Variants in RBPJ observed in about 807,000 individuals in gnomAD.
The protein encoded by RBPJ is recombining binding protein suppressor of hairless.
In RBPJ, 9 loss-of-function variants were observed where a neutral mutation model predicts 67.8. The observed-to-expected ratio is 0.13, with a 90% confidence interval of 0.08 to 0.23. The LOEUF (loss-of-function observed/expected upper bound fraction) is 0.23, where lower values mean the gene tolerates loss of function less well. Ranked by LOEUF, RBPJ falls within the 10% of genes least tolerant of loss-of-function variation. RBPJ has a pLI of 1.00. For missense variants in RBPJ, 305 were observed against 595.6 expected (o/e 0.51, Z 5.08); for synonymous variants, 198 against 203.3 (o/e 0.97, Z 0.22).
At chr4:26,429,619 T>C (rs1240857772) in intron 8 of RBPJ, among the ~76,000 whole-genome samples, 1 of 152,228 alleles carries the variant, frequency 6.6e-6, no homozygotes, top group Non-Finnish European at 1.5e-5. Context: ...TGTACCTGCA[T>C]TGGTATACTC....
chr4:26,420,883 C>T, intron 5 of RBPJ, 158 bp downstream of exon 5: 1 of 628,750 alleles, frequency 1.6e-6, no homozygotes, highest in South Asian at 2.4e-5. Context: ...CGTAAATCGA[C>T]AGTATGTGGT....
chr4:26,158,661 A>G (rs982582461), upstream of RBPJ, among the ~76,000 whole-genome samples: 2 of 152,206 alleles, frequency 1.3e-5, no homozygotes, highest in South Asian at 2.1e-4. Flanking sequence ...TTTTCTGCCT[A>G]CTTTCTCTCT....
chr4:26,145,793 T>G, the RBPJ span, among the ~76,000 whole-genome samples: 9 of 152,222 alleles, frequency 5.9e-5, no homozygotes, highest in Non-Finnish European at 1.3e-4. Flanking sequence ...AGTTGGGCTC[T>G]AAACTTCTAC....
chr4:26,431,245 T>A lies in RBPJ; in HGVS notation c.*238T>A, dbSNP rs374343477. On this transcript the variant is annotated 3_prime_UTR_variant, in exon 11 of 11. Transcript: ENST00000355476. ...AATCAAAATGTATAAATATTGGAAA[T>A]CAAGTTTTTCAGCTGTTTTGTTGGT... is the stretch of plus-strand genomic sequence containing the variant. The A allele has an allele frequency of 3.3e-4, 112 of 335,480 alleles. No individual in the cohort carries two copies. In the South Asian group the frequency reaches 7.6e-3, roughly 23 times the overall value. The allele number at this position is 335,480 out of a possible 1,614,324, so 20.8% of individuals were successfully genotyped here. A position where few individuals can be genotyped will look rare whatever the true frequency, so the allele number is the denominator to read the frequency against.
intron 7 of RBPJ, among the ~76,000 whole-genome samples, chr4:26,425,917 T>C (rs1577673203): frequency 6.6e-6 from 1 of 152,076 alleles, no homozygotes; most frequent in South Asian, 2.1e-4. Context: ...GCTGGTTTGA[T>C]CTACAGTTTT....
At position 26,424,923 on chromosome 4, in the gene RBPJ, G is replaced by T; in HGVS notation, c.747+180G>T. ...TTATGCTCTACCTTATTTCAGAAAT[G>T]CTTTAAGGTAATAGCCAGTTTTTAC... On this transcript the variant is annotated intron_variant, in intron 7 of 10. Transcript: ENST00000355476. This position sits in a 1 kb window ranked among gnomAD's most constrained non-coding sequence, Gnocchi z 5.3. 2.1e-6 allele frequency: 1 copy of T among 481,662 alleles called. No homozygotes were observed. The allele number at this position is 481,662 out of a possible 1,614,324, so 29.8% of individuals were successfully genotyped here.
chr4:26,315,773 C>T (rs958147924), upstream of RBPJ, among the ~76,000 whole-genome samples: 1 of 152,004 alleles, frequency 6.6e-6, no homozygotes, highest in African/African-American at 2.4e-5. Flanking sequence ...CCCAGAGCAG[C>T]CGTTTATAGA....
chr4:26,217,671 A>G (rs1305147940), intron 1 of RBPJ, among the ~76,000 whole-genome samples: 1 of 152,194 alleles, frequency 6.6e-6, no homozygotes, highest in Admixed American at 6.5e-5. Flanking sequence ...TATAAAACCC[A>G]AAGTGGGTGG....
intron 1 of RBPJ, among the ~76,000 whole-genome samples, chr4:26,304,810 T>G (rs1396890651): frequency 2.0e-5 from 3 of 152,074 alleles, no homozygotes; most frequent in Admixed American, 6.5e-5. Context: ...TTTACTTTCT[T>G]GATAGTGTCC....
At chr4:26,301,077 C>T (rs751393758) in intron 1 of RBPJ, among the ~76,000 whole-genome samples, 5 of 152,208 alleles carry the variant, frequency 3.3e-5, no homozygotes, top group Non-Finnish European at 5.9e-5. Context: ...GATCCAATGA[C>T]TACTTTGTGC....
At chr4:26,116,457 C>T in the RBPJ span, among the ~76,000 whole-genome samples, 5 of 152,236 alleles carry the variant, frequency 3.3e-5, no homozygotes, top group Admixed American at 1.3e-4. Flanking sequence ...TTTTTTCCCA[C>T]CTGCTATTGC....
chr4:26,405,506 A>G (rs930160870), intron 2 of RBPJ, among the ~76,000 whole-genome samples: 1 of 152,202 alleles, frequency 6.6e-6, no homozygotes, highest in Non-Finnish European at 1.5e-5. Context: ...CATTTGCTCA[A>G]TAAATATGTA....
intron 1 of RBPJ, among the ~76,000 whole-genome samples, chr4:26,279,936 T>C (rs1271469097): frequency 6.6e-6 from 1 of 151,760 alleles, no homozygotes; most frequent in Non-Finnish European, 1.5e-5. Flanking sequence ...CACAGGTGCA[T>C]ACCATGACAA....
At chr4:26,366,394 G>A (rs1728630216) in intron 1 of RBPJ, among the ~76,000 whole-genome samples, 1 of 151,932 alleles carries the variant, frequency 6.6e-6, no homozygotes, top group Non-Finnish European at 1.5e-5. Flanking sequence ...GTATGTGTTT[G>A]TTTGCCCTGG....
chr4:26,139,467 C>T, the RBPJ span, among the ~76,000 whole-genome samples: 27 of 152,332 alleles, frequency 1.8e-4, no homozygotes, highest in Admixed American at 5.2e-4. Context: ...CAGTGGCATG[C>T]GGGCTCCCAG....
upstream of RBPJ, chr4:26,320,609 T>A: frequency 1.1e-6 from 1 of 921,826 alleles, no homozygotes; most frequent in Non-Finnish European, 1.6e-6. Context: ...CGCAGCCCAT[T>A]TTCCCAGGAC....
At chr4:26,347,389 G>A (rs1207179330) in intron 1 of RBPJ, among the ~76,000 whole-genome samples, 1 of 152,176 alleles carries the variant, frequency 6.6e-6, no homozygotes, top group Non-Finnish European at 1.5e-5. Context: ...TAGAGGTATA[G>A]AAGCAATTAG....
chr4:26,170,091 C>T (rs1328198781), intron 1 of RBPJ, among the ~76,000 whole-genome samples: 1 of 152,144 alleles, frequency 6.6e-6, no homozygotes, highest in Non-Finnish European at 1.5e-5. Context: ...CTGTCCTGTG[C>T]CCACTGTCTG....
intron 1 of RBPJ, among the ~76,000 whole-genome samples, chr4:26,201,807 T>A (rs1230419815): frequency 6.6e-6 from 1 of 152,218 alleles, no homozygotes; most frequent in African/African-American, 2.4e-5. Flanking sequence ...GAAGTTTCTC[T>A]TGGTTTATTC....
Sources: gnomAD v4.1 joint callset for allele counts (sites outside exome capture counted in the v4.1 genomes callset) on GRCh38, gnomAD v4.1.1 for gene constraint, Gnocchi (gnomAD v3.1) non-coding constraint, MANE v1.5 for transcripts, NCBI Gene and HGNC (gene_info 2026-07-23, HGNC 2026-07-21) for gene names.